SLC9D1: variants seen among roughly 807,000 people sequenced by gnomAD.
SLC9D1 encodes putative LAG1-interacting protein.
At chr13:113,534,052 G>A in the SLC9D1 span, 16 of 1,602,468 alleles carry the variant, frequency 1.0e-5, no homozygotes, top group African/African-American at 4.1e-5. Flanking sequence ...CAGCATTGTC[G>A]TGGAAGTTCT....
At chr13:113,510,814 C>G in the SLC9D1 span, among the ~76,000 whole-genome samples, 1 of 152,266 alleles carries the variant, frequency 6.6e-6, no homozygotes. Flanking sequence ...TTGATACTTT[C>G]TTCCTGTGAA....
At chr13:113,498,231 T>G in the SLC9D1 span, 6 of 792,750 alleles carry the variant, frequency 7.6e-6, no homozygotes, top group Admixed American at 6.9e-5. Flanking sequence ...CAGAATTAAG[T>G]TATTGACATA....
chr13:113,498,419 C>T, the SLC9D1 span: 4 of 1,581,720 alleles, frequency 2.5e-6, no homozygotes, highest in South Asian at 3.6e-5. Context: ...AACATCAAAA[C>T]CAAAGTTTAT....
the SLC9D1 span, among the ~76,000 whole-genome samples, chr13:113,509,162 G>T: frequency 6.9e-6 from 1 of 144,762 alleles, no homozygotes; most frequent in African/African-American, 2.6e-5. Context: ...GAGTATGTTG[G>T]GGCTGGCGGG....
chr13:113,491,276 G>A, the SLC9D1 span: 1 of 152,392 alleles, frequency 6.6e-6, no homozygotes, highest in African/African-American at 2.4e-5. Context: ...GCGTCCCGGT[G>A]AGCACCAGGC....
chr13:113,509,255 G>T, the SLC9D1 span, among the ~76,000 whole-genome samples: 5 of 119,996 alleles, frequency 4.2e-5, no homozygotes, highest in Non-Finnish European at 8.3e-5. Context: ...GGCGCTGCCT[G>T]TCTATGTTGG....
the SLC9D1 span, among the ~76,000 whole-genome samples, chr13:113,516,510 G>T: frequency 2.4e-3 from 361 of 150,782 alleles, 4 homozygotes; most frequent in Admixed American, 1.8e-3. Context: ...AGCTTCCAGT[G>T]AGCTGAGTTC....
the SLC9D1 span, chr13:113,548,225 C>A: frequency 6.5e-7 from 1 of 1,533,892 alleles, no homozygotes; most frequent in Non-Finnish European, 8.8e-7. Flanking sequence ...TGTGGCTCGT[C>A]TGGGTTCTCT....
chr13:113,525,220 A>G, the SLC9D1 span, among the ~76,000 whole-genome samples: 1 of 152,188 alleles, frequency 6.6e-6, no homozygotes, highest in Non-Finnish European at 1.5e-5. Context: ...CCACCTGTAC[A>G]GCAGTGGTCG....
chr13:113,540,128 G>C, the SLC9D1 span, among the ~76,000 whole-genome samples: 1 of 152,240 alleles, frequency 6.6e-6, no homozygotes, highest in Non-Finnish European at 1.5e-5. Flanking sequence ...TTGATGGACA[G>C]TGGGATCCTT....
chr13:113,495,731 C>T, the SLC9D1 span: 1 of 1,613,922 alleles, frequency 6.2e-7, no homozygotes, highest in Non-Finnish European at 8.5e-7. Flanking sequence ...GGCAGTGGGT[C>T]CGGGACAGCT....
the SLC9D1 span, among the ~76,000 whole-genome samples, chr13:113,495,227 C>T: frequency 8.2e-4 from 125 of 152,278 alleles, 1 homozygote; most frequent in African/African-American, 2.7e-3. Context: ...TACGAGGCTG[C>T]GTCGCCCCCC....
At chr13:113,508,366 C>A in the SLC9D1 span, among the ~76,000 whole-genome samples, 1 of 152,238 alleles carries the variant, frequency 6.6e-6, no homozygotes, top group South Asian at 2.1e-4. Flanking sequence ...CAGGAGTAAC[C>A]CCCACGCCCG....
the SLC9D1 span, among the ~76,000 whole-genome samples, chr13:113,549,245 T>C: frequency 6.6e-6 from 1 of 151,834 alleles, no homozygotes; most frequent in Middle Eastern, 3.4e-3. Context: ...CGCGCTTAGC[T>C]TCCATCCCCC....
the SLC9D1 span, among the ~76,000 whole-genome samples, chr13:113,533,869 C>T: frequency 2.0e-5 from 3 of 152,188 alleles, no homozygotes; most frequent in African/African-American, 7.2e-5. Context: ...CTCAACACAA[C>T]TTAATTTCTG....
At chr13:113,517,762 A>G in the SLC9D1 span, among the ~76,000 whole-genome samples, 1 of 152,164 alleles carries the variant, frequency 6.6e-6, no homozygotes, top group Admixed American at 6.5e-5. Context: ...GTAGAAATGC[A>G]TTCAAGGGGA....
chr13:113,518,042 C>T, the SLC9D1 span, among the ~76,000 whole-genome samples: 1 of 152,184 alleles, frequency 6.6e-6, no homozygotes, highest in African/African-American at 2.4e-5. Flanking sequence ...TATATTTAAA[C>T]TGTTTAATAA....
the SLC9D1 span, chr13:113,549,403 G>C: frequency 6.2e-7 from 1 of 1,612,202 alleles, no homozygotes; most frequent in Non-Finnish European, 8.5e-7. Context: ...TCTGTGACCC[G>C]CTCTGCACTT....
the SLC9D1 span, among the ~76,000 whole-genome samples, chr13:113,493,737 C>T: frequency 2.6e-5 from 4 of 152,198 alleles, no homozygotes; most frequent in African/African-American, 9.7e-5. Context: ...TTGAATTGAA[C>T]ACTTTCTAAC....
Sources: allele counts gnomAD v4.1 joint callset (sites outside exome capture counted in the v4.1 genomes callset), GRCh38; gene constraint gnomAD v4.1.1; transcripts MANE v1.5; gene names NCBI Gene and HGNC (gene_info 2026-07-23, HGNC 2026-07-21).